The following PKHD1L1 variants were observed in gnomAD, a reference collection of about 807,000 sequenced individuals.
The protein encoded by PKHD1L1 is fibrocystin-L.
Under a neutral mutation model 462.9 loss-of-function variants are expected in PKHD1L1, and 434 were observed. The ratio of observed to expected loss-of-function variants is 0.94; its 90% CI spans 0.87 to 1.02. The LOEUF (loss-of-function observed/expected upper bound fraction) is 1.02, where lower values mean the gene tolerates loss of function less well. Ranked by LOEUF, PKHD1L1 falls within the 50% of genes least tolerant of loss-of-function variation. The probability of loss-of-function intolerance (pLI) is 0.00; values close to 1 mark genes in which losing one functional copy is unlikely to be tolerated. For synonymous variants in PKHD1L1, 1,781 were observed against 1,750.0 expected (o/e 1.02, Z -0.44); for missense variants, 5,202 against 5,096.1 (o/e 1.02, Z -0.63).
intron 2 of PKHD1L1, among the ~76,000 whole-genome samples, chr8:109,378,247 T>C (rs1450804330): frequency 1.3e-5 from 2 of 152,210 alleles, no homozygotes; most frequent in Non-Finnish European, 2.9e-5. Flanking sequence ...ACTGAGATAA[T>C]GTCTTCACTC....
chr8:109,527,950 C>T (rs1304448344), intron 77 of PKHD1L1, among the ~76,000 whole-genome samples: 2 of 152,176 alleles, frequency 1.3e-5, no homozygotes, highest in African/African-American at 2.4e-5. Context: ...CCACAGCATT[C>T]TAATTAGCTT....
rs1563726334 is a variant in PKHD1L1 at position 109,385,579 on chromosome 8, A to G, written c.518A>G (p.Tyr173Cys). The change falls in exon 6 of 78, where the codon TAT (tyrosine) becomes TGT (cysteine). Residue 173 changes from tyrosine to cysteine, a missense_variant. By Grantham distance (194) the Tyr-to-Cys change is radical. Coordinates refer to ENST00000378402, the MANE Select transcript of PKHD1L1 (RefSeq NM_177531.6). Reference protein sequence around the residue: ...TIQGRIFTDVYGSNIALSSNG... With the variant: ...TIQGRIFTDVCGSNIALSSNG... ...CAAGGCAGAATCTTCACTGATGTCTATGGAAGTAATATTGCACTAAGCTCA... is the reference window on the plus strand; with the variant it reads ...CAAGGCAGAATCTTCACTGATGTCTGTGGAAGTAATATTGCACTAAGCTCA... 7 of 1,607,024 alleles carry G rather than the reference A, an allele frequency of 4.4e-6. No individual in the cohort carries two copies. The highest frequency in any genetic ancestry group is 4.5e-5 in the East Asian group (2 of 44,530).
At chr8:109,487,513 A>G (rs1818592152) in intron 59 of PKHD1L1, among the ~76,000 whole-genome samples, 1 of 143,106 alleles carries the variant, frequency 7.0e-6, no homozygotes, top group African/African-American at 2.6e-5. Flanking sequence ...AATAAGATCC[A>G]CATTGCAACT....
chr8:109,367,134 T>C (rs1171476805), intron 2 of PKHD1L1, among the ~76,000 whole-genome samples: 1 of 152,254 alleles, frequency 6.6e-6, no homozygotes, highest in African/African-American at 2.4e-5. Context: ...TGTAGGCTTT[T>C]GGGTGCCCAT....
intron 72 of PKHD1L1, among the ~76,000 whole-genome samples, chr8:109,516,628 G>T: frequency 6.6e-6 from 1 of 152,126 alleles, no homozygotes; most frequent in East Asian, 1.9e-4. Flanking sequence ...CAGTCTAGCT[G>T]TAAAACCCAT....
intron 30 of PKHD1L1, among the ~76,000 whole-genome samples, chr8:109,436,879 C>A (rs553834255): frequency 6.6e-6 from 1 of 152,154 alleles, no homozygotes; most frequent in Non-Finnish European, 1.5e-5. Flanking sequence ...CTAAAGATTT[C>A]AGGAAAGTAA....
chr8:109,378,949 T>C lies in PKHD1L1; in HGVS notation c.164-2421T>C, dbSNP rs185016661. ...AAGAGAACATCCCCCACAGAGGAGA[T>C]GGAATAAACAGATGGATTGGATGAT... On this transcript the variant is annotated intron_variant, in intron 2 of 77. Transcript: ENST00000378402. Among the ~76,000 whole-genome samples, 310 of 149,520 alleles carry C rather than the reference T, an allele frequency of 2.1e-3. 4 individuals carry two copies. The highest frequency in any genetic ancestry group is 7.6e-4 in the Non-Finnish European group (52 of 68,008).
At position 109,535,015 on chromosome 8, in the gene PKHD1L1, T is replaced by G. The variant is rs1411030495; in HGVS notation, c.*4925T>G. On this transcript the variant is annotated 3_prime_UTR_variant, in exon 78 of 78. Transcript: ENST00000378402. ...AATAAACTTTCTGATAAACCAATGA[T>G]TGGGTAGCATGATGAAACTTTTCCT... Among the ~76,000 whole-genome samples, 1 of 152,156 alleles carries G rather than the reference T, an allele frequency of 6.6e-6. No individual in the cohort carries two copies. Among genetic ancestry groups the G allele is most frequent in the East Asian group, 1.9e-4 (1 of 5,194 alleles).
intron 24 of PKHD1L1, 92 bp from the exon 25 acceptor site, chr8:109,426,910 C>T: frequency 2.7e-6 from 2 of 753,798 alleles, no homozygotes; most frequent in East Asian, 2.5e-5. Flanking sequence ...GCTTTGGCCT[C>T]CCAAAGTGCT....
chr8:109,522,358 A>G (rs1460203189), intron 74 of PKHD1L1, 21 bp downstream of exon 74: 4 of 1,514,062 alleles, frequency 2.6e-6, no homozygotes, highest in Non-Finnish European at 3.5e-6. Context: ...GCAACTAGAA[A>G]AAATGCATTT....
intron 76 of PKHD1L1, among the ~76,000 whole-genome samples, chr8:109,525,704 G>T (rs1820780380): frequency 6.6e-6 from 1 of 151,788 alleles, no homozygotes. Context: ...TAAATTATTT[G>T]CTCATCAAAA....
Position 109,373,113 on chromosome 8 carries a change from G to A in PKHD1L1, c.164-8257G>A, listed in dbSNP as rs192463553. ...TCCTCCTTGTCCTCTGGTAGAATTC[G>A]GCTGTGAATCCATCTGGTCCTGGAC... On this transcript the variant is annotated intron_variant, in intron 2 of 77. Transcript: ENST00000378402. Among the ~76,000 whole-genome samples the A allele has an allele frequency of 6.4e-3, 976 of 152,156 alleles. 7 individuals are homozygous for A. The highest frequency in any genetic ancestry group is 0.048 in the Middle Eastern group (14 of 292).
intron 21 of PKHD1L1, among the ~76,000 whole-genome samples, chr8:109,415,422 G>C (rs58312667): frequency 1.4e-3 from 220 of 152,296 alleles, no homozygotes; most frequent in African/African-American, 4.5e-3. Context: ...TTTGTTAAAA[G>C]TTTTAAGAAC....
chr8:109,452,018 C>A (rs1816547881), intron 41 of PKHD1L1, 106 bp from the exon 42 acceptor site: 10 of 977,142 alleles, frequency 1.0e-5, no homozygotes, highest in South Asian at 4.2e-5. Flanking sequence ...CTGATAGAAT[C>A]AGGTCATTTT....
chr8:109,477,672 T>C (rs1818062289), intron 53 of PKHD1L1, among the ~76,000 whole-genome samples: 1 of 152,156 alleles, frequency 6.6e-6, no homozygotes, highest in Non-Finnish European at 1.5e-5. Flanking sequence ...CCTTATCATA[T>C]AGACGAGAAA....
At chr8:109,484,209 T>C (rs537341919) in intron 57 of PKHD1L1, among the ~76,000 whole-genome samples, 1 of 152,064 alleles carries the variant, frequency 6.6e-6, no homozygotes, top group South Asian at 2.1e-4. Flanking sequence ...GTGATAGTTC[T>C]GGTGTGATTA....
Position 109,456,248 on chromosome 8 carries a change from T to A in PKHD1L1, c.6875-14T>A, listed in dbSNP as rs377329618. ...CACATGTAAGGAAATACTCAGTGTG[T>A]ATGTTGGTTCTAGGTGTGCCTGTTC... On this transcript the variant is annotated splice_polypyrimidine_tract_variant and intron_variant, in intron 45 of 77. Transcript: ENST00000378402. 1.9e-5 allele frequency: 31 copies of A among 1,608,024 alleles called. No homozygotes were observed. The highest frequency in any genetic ancestry group is 2.7e-5 in the African/African-American group (2 of 74,640).
intron 65 of PKHD1L1, 143 bp downstream of exon 65, chr8:109,497,415 G>C: frequency 1.1e-6 from 1 of 898,886 alleles, no homozygotes. Context: ...ACTGCCCTCT[G>C]CCTAAAAAAC....
At chr8:109,476,474 C>T in intron 51 of PKHD1L1, 34 bp from the exon 52 acceptor site, 1 of 1,304,922 alleles carries the variant, frequency 7.7e-7, no homozygotes, top group Non-Finnish European at 1.0e-6. Flanking sequence ...AGAATATTAA[C>T]ATACAAGTCA....
Sources: gnomAD v4.1 joint callset for allele counts (sites outside exome capture counted in the v4.1 genomes callset) on GRCh38, gnomAD v4.1.1 for gene constraint, MANE v1.5 for transcripts, NCBI Gene and HGNC (gene_info 2026-07-23, HGNC 2026-07-21) for gene names.